The following TEKT5 variants were observed in gnomAD, a reference collection of about 807,000 sequenced individuals.
TEKT5 encodes the protein tektin 5.
A neutral mutation model predicts 48.7 loss-of-function variants in TEKT5; 52 were observed. The observed-to-expected ratio is 1.07, with a 90% confidence interval of 0.86 to 1.35. TEKT5 has a LOEUF of 1.35. TEKT5 is among the 40% of genes most tolerant of loss of function. The pLI is 0.00. For synonymous variants in TEKT5, 318 were observed against 267.6 expected, an observed-to-expected ratio of 1.19 and a Z score of -1.84; for missense variants, 831 against 641.6, an observed-to-expected ratio of 1.30 and a Z score of -3.19.
intron 3 of TEKT5, among the ~76,000 whole-genome samples, chr16:10,682,996 T>C (rs908945954): frequency 3.9e-5 from 6 of 152,218 alleles, no homozygotes; most frequent in Admixed American, 1.3e-4. Flanking sequence ...TTCAGGTTGC[T>C]CACAGATTTG....
At chr16:10,655,134 G>C (rs1898239441) in intron 5 of TEKT5, among the ~76,000 whole-genome samples, 1 of 151,994 alleles carries the variant, frequency 6.6e-6, no homozygotes, top group Non-Finnish European at 1.5e-5. Flanking sequence ...AAACAATTGA[G>C]GACTACATTT....
At chr16:10,685,386 G>A (rs1337875578) in intron 3 of TEKT5, among the ~76,000 whole-genome samples, 1 of 151,944 alleles carries the variant, frequency 6.6e-6, no homozygotes, top group Non-Finnish European at 1.5e-5. Flanking sequence ...TACAACCTCC[G>A]CCTCTTGGGT....
intron 5 of TEKT5, among the ~76,000 whole-genome samples, chr16:10,673,355 G>A (rs949577854): frequency 3.9e-5 from 6 of 152,192 alleles, no homozygotes; most frequent in Non-Finnish European, 8.8e-5. Flanking sequence ...ATTGTCCACG[G>A]CTGCTTTTGC....
intron 4 of TEKT5, among the ~76,000 whole-genome samples, chr16:10,676,868 C>T (rs1164708705): frequency 2.0e-5 from 3 of 152,144 alleles, no homozygotes; most frequent in African/African-American, 7.2e-5. Flanking sequence ...GATAGTTACA[C>T]ATTGTGTTAT....
intron 5 of TEKT5, among the ~76,000 whole-genome samples, chr16:10,666,651 G>C (rs1221872476): frequency 6.6e-6 from 1 of 152,212 alleles, no homozygotes; most frequent in African/African-American, 2.4e-5. Flanking sequence ...GCCTGCACAG[G>C]AATGAACAGC....
intron 5 of TEKT5, among the ~76,000 whole-genome samples, chr16:10,647,359 C>A (rs1268434751): frequency 1.3e-5 from 2 of 151,722 alleles, no homozygotes; most frequent in Non-Finnish European, 2.9e-5. Flanking sequence ...GCGGTCCCAG[C>A]TACTCAGGAG....
chr16:10,643,165 G>C (rs1286990809), intron 5 of TEKT5, among the ~76,000 whole-genome samples: 1 of 151,994 alleles, frequency 6.6e-6, no homozygotes, highest in Non-Finnish European at 1.5e-5. Flanking sequence ...AGAATCACTT[G>C]ACGCCAGGAG....
intron 6 of TEKT5, among the ~76,000 whole-genome samples, chr16:10,631,181 G>A (rs995060955): frequency 4.0e-5 from 6 of 149,740 alleles, no homozygotes; most frequent in East Asian, 1.9e-4. Context: ...GCTTGAACCC[G>A]GGAGGCAGAG....
At chr16:10,668,751 C>T (rs565980465) in intron 5 of TEKT5, among the ~76,000 whole-genome samples, 1 of 152,340 alleles carries the variant, frequency 6.6e-6, no homozygotes, top group South Asian at 2.1e-4. Context: ...TAGCCCTTCT[C>T]TGTTCTGTTC....
chr16:10,631,896 T>C (rs551906881), intron 6 of TEKT5, among the ~76,000 whole-genome samples: 12 of 152,316 alleles, frequency 7.9e-5, no homozygotes, highest in East Asian at 3.9e-4. Flanking sequence ...AATAAACTTC[T>C]GTTGTCTGTA....
chr16:10,650,228 G>A (rs1017407788), intron 5 of TEKT5, among the ~76,000 whole-genome samples: 1 of 151,768 alleles, frequency 6.6e-6, no homozygotes, highest in Non-Finnish European at 1.5e-5. Flanking sequence ...TGGGATTACA[G>A]TAGCTGGGAT....
rs79272004 is a variant in TEKT5, at chr16:10,678,755, C to T, written c.864-2574G>A. ...ACAGTGTCAGTGTCATAAACAGCAA[C>T]CTCTAAGCCCTTGTCCTCCCCTGCA... On this transcript the variant is annotated intron_variant, in intron 4 of 6. Transcript: ENST00000283025. Among the ~76,000 whole-genome samples the T allele has an allele frequency of 7.7e-3, 1,167 of 152,352 alleles. 10 individuals are homozygous for T. The highest frequency in any genetic ancestry group is 0.026 in the African/African-American group (1,089 of 41,578).
intron 1 of TEKT5, chr16:10,691,256 G>A (rs1898970698): frequency 6.6e-6 from 1 of 152,228 alleles, no homozygotes; most frequent in Admixed American, 6.5e-5. Context: ...TTAACTCCAG[G>A]AGGTCAACTA....
chr16:10,689,340 C>G lies in TEKT5; in HGVS notation c.649-17G>C. Reference sequence around the variant, plus strand: ...ATCCACTTCCTGAAATGAAAAATGTCAGAAAGAGCAGTGCCTCTTAGAACC... The same window carrying G: ...ATCCACTTCCTGAAATGAAAAATGTGAGAAAGAGCAGTGCCTCTTAGAACC... On this transcript the variant is annotated splice_polypyrimidine_tract_variant and intron_variant, in intron 2 of 6. Transcript: ENST00000283025. 1 of 1,605,528 alleles carries G rather than the reference C, an allele frequency of 6.2e-7. No individual in the cohort carries two copies. Among genetic ancestry groups the G allele is most frequent in the African/African-American group, 1.3e-5 (1 of 74,756 alleles).
chr16:10,677,109 T>G (rs918009568), intron 4 of TEKT5, among the ~76,000 whole-genome samples: 1 of 152,182 alleles, frequency 6.6e-6, no homozygotes, highest in Non-Finnish European at 1.5e-5. Context: ...GAGGATCGCT[T>G]GAGCCCAGGA....
At chr16:10,645,949 T>A (rs556719425) in intron 5 of TEKT5, among the ~76,000 whole-genome samples, 1 of 151,838 alleles carries the variant, frequency 6.6e-6, no homozygotes, top group East Asian at 1.9e-4. Context: ...CTGGGCAATA[T>A]AGTGAGACCC....
Position 10,694,325 on chromosome 16 carries a change from C to T in TEKT5, c.549G>A (p.Val183=), listed in dbSNP as rs201673586. The change falls in exon 1 of 7, where the codon GTG becomes GTA. Residue 183 remains valine, a synonymous_variant. Coordinates refer to ENST00000283025, the MANE Select transcript of TEKT5 (RefSeq NM_144674.2). ...CTGTACTCACCTGCAATGGGCAGTT[C>T]ACCTCATTGGCCGCGCACTCCAGCC... ...KRRLECAANE[V]NCPLQVALEC... is the part of the protein sequence containing the mutation. 1.1e-5 allele frequency: 17 copies of T among 1,600,484 alleles called. No homozygotes were observed. Among genetic ancestry groups the T allele is most frequent in the African/African-American group, 1.3e-5 (1 of 74,894 alleles).
intron 5 of TEKT5, among the ~76,000 whole-genome samples, chr16:10,667,259 C>T (rs1256181868): frequency 6.6e-6 from 1 of 152,226 alleles, no homozygotes; most frequent in Non-Finnish European, 1.5e-5. Context: ...GCTGGGATTA[C>T]AGGCATGAGC....
intron 5 of TEKT5, among the ~76,000 whole-genome samples, chr16:10,659,567 G>A (rs550866536): frequency 6.6e-6 from 1 of 152,224 alleles, no homozygotes; most frequent in East Asian, 1.9e-4. Context: ...TTTTAGTAGA[G>A]ATGGGGTTTC....
Sources: allele counts gnomAD v4.1 joint callset (sites outside exome capture counted in the v4.1 genomes callset), GRCh38; gene constraint gnomAD v4.1.1; transcripts MANE v1.5; gene names NCBI Gene and HGNC (gene_info 2026-07-23, HGNC 2026-07-21).